The following DCC variants were observed in gnomAD, a reference collection of about 807,000 sequenced individuals.
DCC encodes netrin receptor DCC.
Under a neutral mutation model 172.5 loss-of-function variants are expected in DCC, and 58 were observed. The ratio of observed to expected loss-of-function variants is 0.34; its 90% confidence interval spans 0.27 to 0.42. The LOEUF (loss-of-function observed/expected upper bound fraction) is 0.42. DCC is among the 10% of genes least tolerant of loss of function. The probability of loss-of-function intolerance (pLI) is 1.00; values close to 1 mark genes in which losing one functional copy is unlikely to be tolerated. For synonymous variants in DCC, 709 were observed against 644.5 expected (o/e 1.10, Z -1.52); for missense variants, 1,740 against 1,791.0 (o/e 0.97, Z 0.51).
chr18:52,710,141 G>A (rs1226115703), intron 1 of DCC, among the ~76,000 whole-genome samples: 2 of 152,188 alleles, frequency 1.3e-5, no homozygotes, highest in Admixed American at 6.5e-5. Flanking sequence ...TTACAAAGAT[G>A]CTTATTGCAG....
At chr18:52,775,420 C>T (rs1297347486) in intron 2 of DCC, among the ~76,000 whole-genome samples, 1 of 152,214 alleles carries the variant, frequency 6.6e-6, no homozygotes, top group Non-Finnish European at 1.5e-5. Flanking sequence ...AAGGACAGAT[C>T]TTTCTGTATC....
chr18:53,045,340 A>C (rs1157115018), intron 5 of DCC, among the ~76,000 whole-genome samples: 1 of 151,910 alleles, frequency 6.6e-6, no homozygotes, highest in Non-Finnish European at 1.5e-5. Context: ...AGCAATTCTT[A>C]GTTAGCCTTA....
At chr18:53,311,676 C>G (rs2057270922) in intron 13 of DCC, among the ~76,000 whole-genome samples, 1 of 152,166 alleles carries the variant, frequency 6.6e-6, no homozygotes, top group African/African-American at 2.4e-5. Context: ...CATATTATTA[C>G]TTACTGAACT....
intron 8 of DCC, among the ~76,000 whole-genome samples, chr18:53,160,644 G>A (rs1421628939): frequency 6.6e-6 from 1 of 152,110 alleles, no homozygotes; most frequent in Non-Finnish European, 1.5e-5. Context: ...CTAATCTCCT[G>A]TTGCCCATTA....
chr18:52,583,328 T>A (rs1305381002), intron 1 of DCC, among the ~76,000 whole-genome samples: 3 of 152,158 alleles, frequency 2.0e-5, no homozygotes, highest in African/African-American at 7.2e-5. Context: ...GGCTTTGGAG[T>A]AAAATACCCA....
At chr18:52,950,082 T>C (rs1422861212) in intron 5 of DCC, among the ~76,000 whole-genome samples, 3 of 152,168 alleles carry the variant, frequency 2.0e-5, no homozygotes, top group African/African-American at 7.2e-5. Context: ...AAGCTTAAAC[T>C]TTCCATTTCT....
At chr18:52,835,462 G>C (rs1008850283) in intron 2 of DCC, among the ~76,000 whole-genome samples, 1 of 152,174 alleles carries the variant, frequency 6.6e-6, no homozygotes, top group Non-Finnish European at 1.5e-5. Context: ...AACTACTGCT[G>C]ATTTCACTGC....
In DCC at chr18:53,073,619, G is replaced by C. The variant is rs115920534; in HGVS notation, c.1261+7453G>C. 7.5e-3 allele frequency among the ~76,000 whole-genome samples: 1,148 copies of C among 152,156 alleles called. 19 individuals are homozygous for C. Among genetic ancestry groups the C allele is most frequent in the African/African-American group, 0.026 (1,079 of 41,550 alleles). ...ATTGGTTAAAAAAAATAGTTTCACT[G>C]TAGTAGGGGAAATATATTGGTTAGA... is the stretch of plus-strand genomic sequence containing the variant. On this transcript the variant is annotated intron_variant, in intron 7 of 28. Transcript: ENST00000442544.
chr18:53,315,858 G>A (rs907928783), intron 13 of DCC, among the ~76,000 whole-genome samples: 1 of 151,774 alleles, frequency 6.6e-6, no homozygotes. Context: ...TGTAGATTCT[G>A]GATATTAGCC....
chr18:52,884,385 A>G (rs535870778), intron 2 of DCC, among the ~76,000 whole-genome samples: 1 of 150,470 alleles, frequency 6.6e-6, no homozygotes, highest in Admixed American at 6.6e-5. Context: ...ATTGTTTTTT[A>G]TTCCTTTTTT....
intron 1 of DCC, among the ~76,000 whole-genome samples, chr18:52,571,768 T>G (rs936020280): frequency 6.6e-6 from 1 of 152,178 alleles, no homozygotes; most frequent in Admixed American, 6.5e-5. Flanking sequence ...GGGAGAGCAT[T>G]CCATGCTGCA....
intron 17 of DCC, 75 bp from the exon 18 acceptor site, chr18:53,397,233 G>A: frequency 1.4e-6 from 2 of 1,390,542 alleles, no homozygotes; most frequent in Non-Finnish European, 1.0e-6. Flanking sequence ...TTATTTAATA[G>A]TCTTTTTATA....
At chr18:52,634,326 A>G (rs1370153404) in intron 1 of DCC, among the ~76,000 whole-genome samples, 1 of 152,232 alleles carries the variant, frequency 6.6e-6, no homozygotes, top group African/African-American at 2.4e-5. Context: ...TGCATTATGC[A>G]TATTATTTCT....
At chr18:52,629,907 G>T (rs968367946) in intron 1 of DCC, among the ~76,000 whole-genome samples, 25 of 133,352 alleles carry the variant, frequency 1.9e-4, no homozygotes, top group Admixed American at 2.8e-4. Flanking sequence ...CGGAGATGGC[G>T]CCACTGCACT....
intron 7 of DCC, among the ~76,000 whole-genome samples, chr18:53,121,210 A>G (rs2043479003): frequency 6.6e-6 from 1 of 151,910 alleles, no homozygotes; most frequent in Non-Finnish European, 1.5e-5. Flanking sequence ...GACATGAAAA[A>G]TGGGACATTG....
intron 7 of DCC, among the ~76,000 whole-genome samples, chr18:53,155,148 A>G (rs1436520721): frequency 1.3e-5 from 2 of 152,030 alleles, no homozygotes; most frequent in East Asian, 3.9e-4. Context: ...TATAGCTAGT[A>G]AGAATTGTAT....
chr18:53,473,678 C>T (rs754718592), intron 25 of DCC, among the ~76,000 whole-genome samples: 75 of 152,288 alleles, frequency 4.9e-4, no homozygotes, highest in Non-Finnish European at 2.4e-4. Flanking sequence ...TGGGAAACAG[C>T]GACTCAGACA....
rs769867265 is a variant in DCC at position 53,075,070 on chromosome 18, G to A, written c.1261+8904G>A. Reference sequence around the variant, plus strand: ...AGGCATTTATTGGGATGGATAAAATGATAGCTTTCTTCTAGCATATTTTTC... The same window carrying A: ...AGGCATTTATTGGGATGGATAAAATAATAGCTTTCTTCTAGCATATTTTTC... On this transcript the variant is annotated intron_variant, in intron 7 of 28. Coordinates refer to ENST00000442544, the MANE Select transcript of DCC (RefSeq NM_005215.4). Among the ~76,000 whole-genome samples the A allele has an allele frequency of 9.6e-4, 144 of 149,524 alleles. 2 individuals carry two copies. Among genetic ancestry groups the A allele is most frequent in the Admixed American group, 3.2e-3 (48 of 15,134 alleles).
intron 1 of DCC, among the ~76,000 whole-genome samples, chr18:52,745,345 A>G (rs8097243): frequency 0.88 from 133,513 of 152,198 alleles, 58,995 homozygotes; most frequent in Non-Finnish European, 0.93. Flanking sequence ...AATCCAGGCC[A>G]CCAGATGTTT....
Sources: gnomAD v4.1 joint callset for allele counts (sites outside exome capture counted in the v4.1 genomes callset) on GRCh38, gnomAD v4.1.1 for gene constraint, MANE v1.5 for transcripts, NCBI Gene and HGNC (gene_info 2026-07-23, HGNC 2026-07-21) for gene names.